The following GDPD5 variants were observed in gnomAD, a reference collection of about 807,000 sequenced individuals.
GDPD5 encodes glycerophosphodiester phosphodiesterase domain containing 5.
GDPD5 carries 48 observed loss-of-function variants against 75.1 expected under a neutral mutation model. The ratio of observed to expected loss-of-function variants is 0.64; its 90% CI spans 0.51 to 0.81. The LOEUF is 0.81. GDPD5 is among the 40% of genes least tolerant of loss of function. The pLI is 0.00. For missense variants in GDPD5, 706 were observed against 822.6 expected, an observed-to-expected ratio of 0.86 and a Z score of 1.73; for synonymous variants, 336 against 339.0, an observed-to-expected ratio of 0.99 and a Z score of 0.10.
intron 3 of GDPD5, among the ~76,000 whole-genome samples, chr11:75,472,886 T>G (rs534576511): frequency 1.4e-5 from 2 of 147,454 alleles, no homozygotes; most frequent in Admixed American, 6.8e-5. Flanking sequence ...CCCAGGGGAG[T>G]GAGGAAGGTG....
intron 6 of GDPD5, chr11:75,455,169 G>A (rs1949258262): frequency 1.0e-5 from 4 of 391,600 alleles, no homozygotes; most frequent in African/African-American, 2.1e-5. Context: ...GGCTCTATAG[G>A]CCTCTCCACT....
chr11:75,468,292 CT>C (rs1949571085), intron 3 of GDPD5, among the ~76,000 whole-genome samples: 1 of 152,234 alleles, frequency 6.6e-6, no homozygotes, highest in Non-Finnish European at 1.5e-5. Flanking sequence ...CAGAGCTCCC[CT>C]GCCTGTCCCC....
chr11:75,500,208 C>G (rs1950282028), intron 1 of GDPD5, among the ~76,000 whole-genome samples: 1 of 152,250 alleles, frequency 6.6e-6, no homozygotes, highest in East Asian at 1.9e-4. Flanking sequence ...CCTCTTCTGG[C>G]TCCTTCCAAT....
chr11:75,437,418 C>T (rs1302235998), intron 15 of GDPD5: 4 of 218,380 alleles, frequency 1.8e-5, no homozygotes, highest in African/African-American at 9.1e-5. Flanking sequence ...TAAGCTGGGG[C>T]ACACACCAAT....
intron 1 of GDPD5, among the ~76,000 whole-genome samples, chr11:75,517,136 G>A (rs1408731301): frequency 1.3e-5 from 2 of 152,146 alleles, no homozygotes; most frequent in African/African-American, 2.4e-5. Context: ...TGGGGGAGGT[G>A]CTAAGTGAAA....
chr11:75,522,184 C>T (rs557212731), intron 1 of GDPD5, among the ~76,000 whole-genome samples: 85 of 152,302 alleles, frequency 5.6e-4, no homozygotes, highest in Non-Finnish European at 9.7e-4. Context: ...CCTAAAGTGC[C>T]GTGTGTTTCA....
chr11:75,505,199 G>A (rs1223251640), intron 1 of GDPD5, among the ~76,000 whole-genome samples: 1 of 152,042 alleles, frequency 6.6e-6, no homozygotes, highest in Non-Finnish European at 1.5e-5. Context: ...AGGAAGGGGA[G>A]TCCAGGAAGG....
At chr11:75,455,321 C>A (rs746461948) in intron 6 of GDPD5, 45 of 455,876 alleles carry the variant, frequency 9.9e-5, no homozygotes, top group Middle Eastern at 4.1e-4. Context: ...AAGAAACTCC[C>A]TCACAGAGGG....
At chr11:75,523,307 T>A (rs994051051) in intron 1 of GDPD5, among the ~76,000 whole-genome samples, 9 of 152,204 alleles carry the variant, frequency 5.9e-5, no homozygotes, top group African/African-American at 2.2e-4. Context: ...ATTCACCAGT[T>A]ACTGTGGCTC....
chr11:75,496,799 G>A (rs867648544), intron 1 of GDPD5, among the ~76,000 whole-genome samples: 2 of 7,336 alleles, frequency 2.7e-4, no homozygotes, highest in African/African-American at 1.0e-3. Context: ...TTTTTTTTTT[G>A]TGACGGAGTC....
chr11:75,504,746 T>C (rs1950359477), intron 1 of GDPD5, among the ~76,000 whole-genome samples: 1 of 152,102 alleles, frequency 6.6e-6, no homozygotes, highest in African/African-American at 2.4e-5. Flanking sequence ...CACAAGAATG[T>C]GAATATAGTT....
chr11:75,513,023 T>A (rs995907747), intron 1 of GDPD5, among the ~76,000 whole-genome samples: 2 of 152,224 alleles, frequency 1.3e-5, no homozygotes, highest in African/African-American at 4.8e-5. Context: ...AGGCAAGTGC[T>A]GTTGGGCACT....
chr11:75,463,944 C>T (rs1240991463), intron 3 of GDPD5, among the ~76,000 whole-genome samples: 1 of 152,212 alleles, frequency 6.6e-6, no homozygotes, highest in Non-Finnish European at 1.5e-5. Context: ...CTGGATTCAC[C>T]CTGCTACCCT....
intron 3 of GDPD5, among the ~76,000 whole-genome samples, chr11:75,469,858 C>A (rs1033024511): frequency 1.3e-5 from 2 of 152,186 alleles, no homozygotes; most frequent in Admixed American, 6.5e-5. Context: ...CCTCACACCC[C>A]GTACCAAACT....
chr11:75,456,554 C>A, intron 6 of GDPD5: 2 of 596,208 alleles, frequency 3.4e-6, no homozygotes, highest in Non-Finnish European at 6.0e-6. Flanking sequence ...ACCTACATCA[C>A]AAGGTTGCTG....
intron 5 of GDPD5, 113 bp from the exon 6 acceptor site, chr11:75,456,929 C>T: frequency 1.0e-6 from 1 of 997,812 alleles, no homozygotes; most frequent in Non-Finnish European, 1.6e-6. Flanking sequence ...TGGGCAGAGG[C>T]AGCGAACCTC....
chr11:75,449,383 A>C, intron 8 of GDPD5, 134 bp downstream of exon 8: 1 of 847,386 alleles, frequency 1.2e-6, no homozygotes, highest in South Asian at 1.7e-5. Flanking sequence ...TCTGAGCCAG[A>C]ATCCCCCTCA....
At chr11:75,487,803 A>G (rs188552550) in intron 2 of GDPD5, among the ~76,000 whole-genome samples, 6 of 152,298 alleles carry the variant, frequency 3.9e-5, no homozygotes, top group Non-Finnish European at 7.4e-5. Flanking sequence ...AGTAGTCACC[A>G]AAAGTGACCT....
intron 6 of GDPD5, chr11:75,450,474 T>G: frequency 6.1e-6 from 1 of 162,946 alleles, no homozygotes; most frequent in Non-Finnish European, 1.3e-5. Flanking sequence ...CAGCCCAGCC[T>G]GGCACCCTGG....
Sources: gnomAD v4.1 joint callset for allele counts (sites outside exome capture counted in the v4.1 genomes callset) on GRCh38, gnomAD v4.1.1 for gene constraint, MANE v1.5 for transcripts, NCBI Gene and HGNC (gene_info 2026-07-23, HGNC 2026-07-21) for gene names.